KIF1A: variants seen among roughly 807,000 people sequenced by gnomAD.
KIF1A encodes the protein kinesin-like protein KIF1A.
Under a neutral mutation model 227.3 loss-of-function variants are expected in KIF1A, and 46 were observed. The observed-to-expected ratio is 0.20, with a 90% confidence interval of 0.16 to 0.26. KIF1A has a LOEUF of 0.26. Ranked by LOEUF, KIF1A falls within the 10% of genes least tolerant of loss-of-function variation. The probability of loss-of-function intolerance (pLI) is 1.00; values close to 1 mark genes in which losing one functional copy is unlikely to be tolerated. For synonymous variants in KIF1A, 1,022 were observed against 1,012.8 expected, an observed-to-expected ratio of 1.01 and a Z score of -0.17; for missense variants, 1,683 against 2,485.9, an observed-to-expected ratio of 0.68 and a Z score of 6.87.
At position 240,784,974 on chromosome 2, in the gene KIF1A, A is replaced by C. The variant is rs765198893; in HGVS notation, c.720+15T>G. The C allele has an allele frequency of 1.2e-6, 2 of 1,605,850 alleles. No individual in the cohort carries two copies. Among genetic ancestry groups the C allele is most frequent in the Non-Finnish European group, 1.7e-6 (2 of 1,173,096 alleles). On this transcript the variant is annotated intron_variant, in intron 7 of 48. Coordinates refer to ENST00000498729, the MANE Select transcript of KIF1A (RefSeq NM_001244008.2). ...ACTGCCCTTGGTGGCACCGCCTGTG[A>C]GGCCACTCACTCACCTTCTCCGTGG...
chr2:240,772,542 T>C lies in KIF1A; in HGVS notation c.1207+28A>G, dbSNP rs752833846. On this transcript the variant is annotated intron_variant, in intron 14 of 48. Transcript: ENST00000498729. ...TGCTGGCTGGGGCTGGAAGCAGAGATGCAGAGAGCAGCAAAGGGAATACAC... is the reference window on the plus strand; with the variant it reads ...TGCTGGCTGGGGCTGGAAGCAGAGACGCAGAGAGCAGCAAAGGGAATACAC... 4.5e-6 allele frequency: 7 copies of C among 1,543,280 alleles called. No individual in the cohort carries two copies. The Admixed American group carries it at 7.9e-5, about 17-fold the overall frequency.
Position 240,771,063 on chromosome 2 carries a change from A to C in KIF1A, c.1249T>G (p.Ser417Ala). The change falls in exon 15 of 49, where the codon TCA (serine) becomes GCA (alanine). Residue 417 changes from serine (S) to alanine (A), a missense_variant. Ser to Ala is a moderately conservative substitution (Grantham distance 99). Coordinates refer to ENST00000498729, the MANE Select transcript of KIF1A (RefSeq NM_001244008.2). ...GAGGCCGCGCGGCTGGACAGGGCTG[A>C]GAGCGAGGATGAGGGGCTCATACCC... is the stretch of plus-strand genomic sequence containing the variant. ...LVGMSPSSSL[S>A]ALSSRAASVS... The C allele has an allele frequency of 6.2e-7, 1 of 1,613,500 alleles. No homozygotes were observed. Among genetic ancestry groups the C allele is most frequent in the Non-Finnish European group, 8.5e-7 (1 of 1,179,840 alleles).
In KIF1A at chr2:240,725,434, C is replaced by T. The variant is rs757291459; in HGVS notation, c.4123-30G>A. ...GATAGGCGGGAGCAGGACTCAGGCA[C>T]AAGGACACCCCGAGTGCCCAGGTGC... On this transcript the variant is annotated intron_variant, in intron 39 of 48. Transcript: ENST00000498729. The surrounding 1 kb of genome is among the most constrained non-coding windows in gnomAD (Gnocchi z 5.8). The T allele has an allele frequency of 2.0e-5, 32 of 1,608,370 alleles. No individual in the cohort carries two copies. Among genetic ancestry groups the T allele is most frequent in the Middle Eastern group, 3.3e-4 (2 of 6,058 alleles).
intron 1 of KIF1A, among the ~76,000 whole-genome samples, chr2:240,815,809 G>A (rs2058273647): frequency 6.6e-6 from 1 of 152,232 alleles, no homozygotes; most frequent in Non-Finnish European, 1.5e-5. Flanking sequence ...GGCTTCTCAG[G>A]AGCCTCAGTC....
intron 1 of KIF1A, among the ~76,000 whole-genome samples, chr2:240,807,000 T>C (rs2057451837): frequency 6.6e-6 from 1 of 151,684 alleles, no homozygotes; most frequent in African/African-American, 2.4e-5. Context: ...CCCCCACAGA[T>C]ACCAAAATCC....
chr2:240,717,912 C>G, intron 48 of KIF1A, 138 bp downstream of exon 48: 1 of 695,420 alleles, frequency 1.4e-6, no homozygotes, highest in Non-Finnish European at 2.6e-6. Context: ...GAATGGTCCC[C>G]GCCAGGAGGG....
chr2:240,758,442 T>C lies in KIF1A; in HGVS notation c.2500A>G (p.Ser834Gly). The C allele has an allele frequency of 1.2e-6, 2 of 1,611,800 alleles. No individual in the cohort carries two copies. Among genetic ancestry groups the C allele is most frequent in the Non-Finnish European group, 8.5e-7 (1 of 1,178,834 alleles). ...MYDRAAEVPS[S>G]VIEDCDNVVT... is the part of the protein sequence containing the mutation. Reference sequence around the variant, plus strand: ...ACGTTGTCACAGTCCTCGATGACACTGGAGGGCACCTCTGCAGCGCGGTCG... The same window carrying C: ...ACGTTGTCACAGTCCTCGATGACACCGGAGGGCACCTCTGCAGCGCGGTCG... Residue 834 changes from serine to glycine, a missense_variant, in exon 26 of 49, where the codon AGT becomes GGT. Physicochemically the swap from Ser to Gly is moderately conservative, Grantham distance 56. Around this residue, in one of 12 missense-constraint regions of KIF1A, gnomAD observed 759 missense variants for 1,020.2 expected, o/e 0.74. Transcript: ENST00000498729. This position sits in a 1 kb window ranked among gnomAD's most constrained non-coding sequence, Gnocchi z 5.2.
chr2:240,747,390 G>T, intron 28 of KIF1A, 69 bp from the exon 29 acceptor site: 4 of 1,264,718 alleles, frequency 3.2e-6, no homozygotes, highest in Non-Finnish European at 3.4e-6. Flanking sequence ...GCAGAGCCAG[G>T]CTGGGCCACC....
In KIF1A at chr2:240,758,706, C is replaced by T. The variant is rs775250619; in HGVS notation, c.2445-209G>A. On this transcript the variant is annotated intron_variant, in intron 25 of 48. Transcript: ENST00000498729. The surrounding 1 kb of genome is among the most constrained non-coding windows in gnomAD (Gnocchi z 5.2). ...CACAAGTAACGTACTCAGCTAAGCACGCAAGGTCACCAACAGCTCCTCCCA... is the reference window on the plus strand; with the variant it reads ...CACAAGTAACGTACTCAGCTAAGCATGCAAGGTCACCAACAGCTCCTCCCA... 6.6e-6 allele frequency among the ~76,000 whole-genome samples: 1 copy of T among 152,152 alleles called. No individual in the cohort carries two copies. Among genetic ancestry groups the T allele is most frequent in the South Asian group, 2.1e-4 (1 of 4,826 alleles).
chr2:240,774,743 CTG>C (rs1488968158), intron 11 of KIF1A, among the ~76,000 whole-genome samples: 1 of 152,204 alleles, frequency 6.6e-6, no homozygotes, highest in South Asian at 2.1e-4. Context: ...GAGGAACAGA[CTG>C]TGTTCTTTCT....
Position 240,788,041 on chromosome 2 carries a change from C to CCCA in KIF1A, c.363+9_363+10insTGG. 6.6e-7 allele frequency: 1 copy of CCCA among 1,520,672 alleles called. No homozygotes were observed. The highest frequency in any genetic ancestry group is 8.9e-7 in the Non-Finnish European group (1 of 1,121,304). The allele number at this position is 1,520,672 out of a possible 1,614,324, so 94.2% of individuals were successfully genotyped here. A position where few individuals can be genotyped will look rare whatever the true frequency, so the allele number is the denominator to read the frequency against. ...GCCAGGGCTGCCCCCGCCCGCCCCCCGCTTCGTGCCTGTGGGATGATGCCC... is the reference window on the plus strand; with the variant it reads ...GCCAGGGCTGCCCCCGCCCGCCCCCCCCAGCTTCGTGCCTGTGGGATGATGCCC... On this transcript the variant is annotated intron_variant, in intron 4 of 48. Coordinates refer to ENST00000498729, the MANE Select transcript of KIF1A (RefSeq NM_001244008.2). The surrounding 1 kb of genome is among the most constrained non-coding windows in gnomAD (Gnocchi z 6.6).
At chr2:240,718,006 G>T in intron 48 of KIF1A, 44 bp downstream of exon 48, 2 of 1,305,152 alleles carry the variant, frequency 1.5e-6, no homozygotes, top group Non-Finnish European at 2.2e-6. Flanking sequence ...CCGGTTGAGG[G>T]CAGGACCCCC....
chr2:240,769,301 GC>G, intron 16 of KIF1A, 93 bp from the exon 17 acceptor site: 1 of 1,128,732 alleles, frequency 8.9e-7, no homozygotes. Flanking sequence ...CGGGCCTGTG[GC>G]CACCGTGGCC....
intron 38 of KIF1A, among the ~76,000 whole-genome samples, chr2:240,728,926 T>C (rs1031280489): frequency 2.0e-5 from 3 of 152,196 alleles, no homozygotes; most frequent in Non-Finnish European, 1.5e-5. Context: ...CAAGATGTCT[T>C]GCAGATTAAA....
rs1483752464 is a variant in KIF1A at position 240,739,608 on chromosome 2, G to A, written c.3901+450C>T. On this transcript the variant is annotated intron_variant, in intron 37 of 48. Coordinates refer to ENST00000498729, the MANE Select transcript of KIF1A (RefSeq NM_001244008.2). This position sits in a 1 kb window ranked among gnomAD's most constrained non-coding sequence, Gnocchi z 5.6. ...GGAAGACACAGGACAGGAGAAGCCT[G>A]CGAAAATGCAGTGATGCGTCTGCAG... 6.6e-6 allele frequency among the ~76,000 whole-genome samples: 1 copy of A among 152,154 alleles called. No homozygotes were observed. Among genetic ancestry groups the A allele is most frequent in the Non-Finnish European group, 1.5e-5 (1 of 68,016 alleles).
Position 240,725,143 on chromosome 2 carries a change from GA to G in KIF1A, c.4256+127del. On this transcript the variant is annotated intron_variant, in intron 40 of 48. Coordinates refer to ENST00000498729, the MANE Select transcript of KIF1A (RefSeq NM_001244008.2). The surrounding 1 kb of genome is among the most constrained non-coding windows in gnomAD (Gnocchi z 5.8). ...GGACTGAGCGCAGGGAGCCAGCCAG[GA>G]GTGTGGCTGGGCCTCGCACAGGGTG... is the stretch of plus-strand genomic sequence containing the variant. 1 of 937,468 alleles carries G rather than the reference GA, an allele frequency of 1.1e-6. No homozygotes were observed. The highest frequency in any genetic ancestry group is 1.6e-6 in the Non-Finnish European group (1 of 620,790). 58.1% of individuals were successfully genotyped at this position (937,468 alleles called of 1,614,324 possible). A position where few individuals can be genotyped will look rare whatever the true frequency, so the allele number is the denominator to read the frequency against.
intron 10 of KIF1A, chr2:240,782,089 C>G: frequency 1.0e-6 from 1 of 985,398 alleles, no homozygotes; most frequent in East Asian, 1.1e-4. Context: ...GCTGCCCACG[C>G]GGTTCCTCAC....
At chr2:240,786,243 C>A in intron 6 of KIF1A, 92 bp downstream of exon 6, 2 of 1,316,280 alleles carry the variant, frequency 1.5e-6, no homozygotes, top group East Asian at 2.3e-5. Flanking sequence ...TGGACCCTAC[C>A]AAAAAGGGCC....
At chr2:240,819,731 C>G (rs1394591097) in intron 1 of KIF1A, among the ~76,000 whole-genome samples, 2 of 152,152 alleles carry the variant, frequency 1.3e-5, no homozygotes, top group Non-Finnish European at 2.9e-5. Flanking sequence ...GCAGCCCCGC[C>G]GGTGGCTCCT....
Sources: gnomAD v4.1 joint callset for allele counts (sites outside exome capture counted in the v4.1 genomes callset) on GRCh38, gnomAD v4.1.1 for gene constraint, gnomAD v4.1.1 regional missense constraint, Gnocchi (gnomAD v3.1) non-coding constraint, MANE v1.5 for transcripts, NCBI Gene and HGNC (gene_info 2026-07-23, HGNC 2026-07-21) for gene names.